Variants in CCDC85A observed in about 807,000 individuals in gnomAD.
CCDC85A encodes coiled-coil domain containing 85A.
A neutral mutation model predicts 50.2 loss-of-function variants in CCDC85A; 38 were observed. The observed-to-expected ratio is 0.76, with a 90% CI of 0.58 to 0.99. The LOEUF (loss-of-function observed/expected upper bound fraction) is 0.99. Among genes scored for constraint, CCDC85A ranks in the 50% least tolerant of loss-of-function variants. CCDC85A has a pLI of 0.00. For missense variants in CCDC85A, 820 were observed against 742.0 expected (o/e 1.11, Z -1.22); for synonymous variants, 366 against 301.4 (o/e 1.21, Z -2.22).
intron 2 of CCDC85A, among the ~76,000 whole-genome samples, chr2:56,259,033 C>T (rs1558610365): frequency 6.6e-6 from 1 of 152,098 alleles, no homozygotes; most frequent in Non-Finnish European, 1.5e-5. Flanking sequence ...CTTGAAGGCA[C>T]AGGTGAGGTT....
chr2:56,222,922 G>A (rs1246048258), intron 2 of CCDC85A, among the ~76,000 whole-genome samples: 1 of 152,136 alleles, frequency 6.6e-6, no homozygotes, highest in Non-Finnish European at 1.5e-5. Flanking sequence ...GGGAAAGCCA[G>A]CTGAATTGCT....
intron 1 of CCDC85A, among the ~76,000 whole-genome samples, chr2:56,185,239 G>C (rs894491216): frequency 6.6e-6 from 1 of 152,196 alleles, no homozygotes; most frequent in Non-Finnish European, 1.5e-5. Context: ...GTTTCAGTCA[G>C]TTAGGCGGAA....
chr2:56,249,209 G>C (rs149884950), intron 2 of CCDC85A, among the ~76,000 whole-genome samples: 1 of 152,242 alleles, frequency 6.6e-6, no homozygotes, highest in Non-Finnish European at 1.5e-5. Flanking sequence ...GGAGGAAGTG[G>C]CTGTCACTAT....
intron 3 of CCDC85A, among the ~76,000 whole-genome samples, chr2:56,361,835 A>C (rs535059173): frequency 1.3e-5 from 2 of 152,286 alleles, no homozygotes; most frequent in East Asian, 3.9e-4. Context: ...ATTAATTCAC[A>C]TTTTTGAAGG....
intron 3 of CCDC85A, among the ~76,000 whole-genome samples, chr2:56,357,718 C>T (rs1675308699): frequency 7.5e-6 from 1 of 133,662 alleles, no homozygotes; most frequent in Non-Finnish European, 1.5e-5. Flanking sequence ...CTGAAATGGA[C>T]CTTTCTTTCT....
chr2:56,339,905 C>A (rs1402989219), intron 2 of CCDC85A, among the ~76,000 whole-genome samples: 1 of 152,112 alleles, frequency 6.6e-6, no homozygotes, highest in Non-Finnish European at 1.5e-5. Context: ...GCATACTTTT[C>A]CCCTCTTTGG....
At chr2:56,303,216 G>T (rs562809210) in intron 2 of CCDC85A, among the ~76,000 whole-genome samples, 2 of 152,246 alleles carry the variant, frequency 1.3e-5, no homozygotes, top group South Asian at 4.1e-4. Context: ...GAGGCCTGGG[G>T]TTATGTCTCT....
intron 2 of CCDC85A, among the ~76,000 whole-genome samples, chr2:56,280,514 C>G (rs1049999016): frequency 6.6e-6 from 1 of 152,100 alleles, no homozygotes; most frequent in Non-Finnish European, 1.5e-5. Context: ...CCAAACTTCA[C>G]GTTAATTCCT....
chr2:56,308,957 C>T (rs1347075363), intron 2 of CCDC85A, among the ~76,000 whole-genome samples: 1 of 152,082 alleles, frequency 6.6e-6, no homozygotes, highest in Non-Finnish European at 1.5e-5. Context: ...CTTCTAGAAG[C>T]CAGAACTCTG....
In CCDC85A at chr2:56,192,507, C is replaced by A; in HGVS notation, c.307C>A (p.Gln103Lys). 2 of 1,613,278 alleles carry A rather than the reference C, an allele frequency of 1.2e-6. No homozygotes were observed. The highest frequency in any genetic ancestry group is 1.1e-5 in the South Asian group (1 of 91,000). The change falls in exon 2 of 6, where the codon CAG becomes AAG. Residue 103 changes from glutamine to lysine, a missense_variant. Coordinates refer to ENST00000407595, the MANE Select transcript of CCDC85A (RefSeq NM_001080433.2). The surrounding 1 kb of genome is among the most constrained non-coding windows in gnomAD (Gnocchi z 4.7). ...DINQKLQEDN[Q>K]ELRDLCCFLD... Reference sequence around the variant, plus strand: ...CAACCAGAAACTCCAGGAAGACAACCAGGAACTGAGGGACCTCTGCTGTTT... The same window carrying A: ...CAACCAGAAACTCCAGGAAGACAACAAGGAACTGAGGGACCTCTGCTGTTT...
chr2:56,306,518 A>T (rs1672454329), intron 2 of CCDC85A, among the ~76,000 whole-genome samples: 1 of 152,190 alleles, frequency 6.6e-6, no homozygotes, highest in Non-Finnish European at 1.5e-5. Flanking sequence ...ATAACTACTT[A>T]TACAACCTTA....
chr2:56,272,825 A>G (rs372923007), intron 2 of CCDC85A, among the ~76,000 whole-genome samples: 2 of 152,174 alleles, frequency 1.3e-5, no homozygotes, highest in South Asian at 2.1e-4. Context: ...GCCTATTCCA[A>G]CCTTTCAAGG....
chr2:56,370,700 C>T (rs1045670153), intron 3 of CCDC85A, among the ~76,000 whole-genome samples: 3 of 152,072 alleles, frequency 2.0e-5, no homozygotes, highest in African/African-American at 4.8e-5. Flanking sequence ...CTCATGCCAG[C>T]TGGCTTCTAA....
chr2:56,315,503 T>G (rs926376095), intron 2 of CCDC85A, among the ~76,000 whole-genome samples: 1 of 152,152 alleles, frequency 6.6e-6, no homozygotes, highest in African/African-American at 2.4e-5. Flanking sequence ...TGCCAGACAC[T>G]GTGGGATATC....
intron 2 of CCDC85A, among the ~76,000 whole-genome samples, chr2:56,314,279 T>C (rs1185410516): frequency 6.6e-6 from 1 of 151,264 alleles, no homozygotes; most frequent in Non-Finnish European, 1.5e-5. Flanking sequence ...ATAGAAGAGA[T>C]AGTACTGACC....
chr2:56,199,829 T>A (rs550281257), intron 2 of CCDC85A, among the ~76,000 whole-genome samples: 49 of 152,340 alleles, frequency 3.2e-4, no homozygotes, highest in African/African-American at 1.2e-3. Context: ...ATAGTCCATA[T>A]GCCATAAGTA....
chr2:56,367,316 G>C (rs1675844099), intron 3 of CCDC85A, among the ~76,000 whole-genome samples: 2 of 152,222 alleles, frequency 1.3e-5, no homozygotes, highest in South Asian at 4.1e-4. Flanking sequence ...TTTCTTATTT[G>C]GGGGTGGAAA....
At chr2:56,186,013 C>T (rs1676024472) in intron 1 of CCDC85A, among the ~76,000 whole-genome samples, 1 of 152,200 alleles carries the variant, frequency 6.6e-6, no homozygotes, top group Non-Finnish European at 1.5e-5. Context: ...GGAATTGCCT[C>T]AGTGCTCCAG....
At chr2:56,374,544 C>T (rs1035388379) in intron 4 of CCDC85A, among the ~76,000 whole-genome samples, 1 of 152,166 alleles carries the variant, frequency 6.6e-6, no homozygotes, top group Non-Finnish European at 1.5e-5. Flanking sequence ...CAGGATTGCT[C>T]ATGCCTGTAA....
Sources: allele counts gnomAD v4.1 joint callset (sites outside exome capture counted in the v4.1 genomes callset), GRCh38; gene constraint gnomAD v4.1.1; non-coding constraint Gnocchi (gnomAD v3.1); transcripts MANE v1.5; gene names NCBI Gene and HGNC (gene_info 2026-07-23, HGNC 2026-07-21).